Variants in DLG5 observed in about 807,000 individuals in gnomAD.
DLG5 encodes disks large homolog 5.
In DLG5, 48 loss-of-function variants were observed where a neutral mutation model predicts 189.8. That is an observed-to-expected ratio of 0.25 (90% CI 0.20 to 0.32). The LOEUF is 0.32. Ranked by LOEUF, DLG5 falls within the 10% of genes least tolerant of loss-of-function variation. The probability of loss-of-function intolerance (pLI) is 1.00; values close to 1 mark genes in which losing one functional copy is unlikely to be tolerated. For synonymous variants in DLG5, 1,016 were observed against 1,054.1 expected, an observed-to-expected ratio of 0.96 and a Z score of 0.70; for missense variants, 2,160 against 2,544.7, an observed-to-expected ratio of 0.85 and a Z score of 3.25.
At chr10:77,829,895 C>A (rs1450216878) in intron 11 of DLG5, among the ~76,000 whole-genome samples, 1 of 152,206 alleles carries the variant, frequency 6.6e-6, no homozygotes, top group African/African-American at 2.4e-5. Flanking sequence ...ATAGTGTTAG[C>A]TATTTTATCA....
At chr10:77,837,247 T>C (rs978093631) in intron 7 of DLG5, among the ~76,000 whole-genome samples, 1 of 149,420 alleles carries the variant, frequency 6.7e-6, no homozygotes, top group Admixed American at 6.7e-5. Context: ...AAAAAGTGTA[T>C]TAATTTAGTC....
chr10:77,841,318 C>T (rs541923568), intron 7 of DLG5, among the ~76,000 whole-genome samples: 1 of 152,312 alleles, frequency 6.6e-6, no homozygotes, highest in Admixed American at 6.5e-5. Flanking sequence ...ATCCCAGCCC[C>T]CCAACCCTGG....
At chr10:77,829,274 C>T in intron 12 of DLG5, 81 bp downstream of exon 12, 11 of 1,582,050 alleles carry the variant, frequency 7.0e-6, no homozygotes, top group Non-Finnish European at 9.5e-6. Flanking sequence ...ATGAGGTGCT[C>T]TAAGGGGCAC....
intron 1 of DLG5, among the ~76,000 whole-genome samples, chr10:77,915,789 G>A (rs1314523568): frequency 6.6e-6 from 1 of 152,194 alleles, no homozygotes; most frequent in Non-Finnish European, 1.5e-5. Flanking sequence ...AATCCTAAAC[G>A]GGATAAGGAG....
At chr10:77,893,859 G>T (rs1218134397) in intron 1 of DLG5, among the ~76,000 whole-genome samples, 1 of 152,158 alleles carries the variant, frequency 6.6e-6, no homozygotes, top group African/African-American at 2.4e-5. Flanking sequence ...TACTCCCTGG[G>T]CCTGAACCCT....
chr10:77,794,210 C>T (rs1262063018), intron 30 of DLG5, 93 bp from the exon 31 acceptor site: 2 of 1,096,974 alleles, frequency 1.8e-6, no homozygotes, highest in African/African-American at 3.1e-5. Context: ...CCCATCAAGG[C>T]AGGGGTAGGC....
intron 24 of DLG5, among the ~76,000 whole-genome samples, chr10:77,808,525 G>A (rs972819963): frequency 2.6e-5 from 4 of 152,098 alleles, no homozygotes; most frequent in African/African-American, 7.2e-5. Flanking sequence ...TCCCACCTTG[G>A]CCTCCTAAAA....
At chr10:77,810,229 T>C (rs1360776761) in intron 23 of DLG5, among the ~76,000 whole-genome samples, 1 of 152,202 alleles carries the variant, frequency 6.6e-6, no homozygotes, top group Non-Finnish European at 1.5e-5. Flanking sequence ...AAGCTGAAAG[T>C]AAGCTGCTGA....
chr10:77,885,916 G>A (rs1845422993), intron 1 of DLG5, among the ~76,000 whole-genome samples: 1 of 152,134 alleles, frequency 6.6e-6, no homozygotes, highest in South Asian at 2.1e-4. Context: ...GAGGAGGAAG[G>A]GGATGAAGGA....
In DLG5 at chr10:77,869,316, T is replaced by C. The variant is rs754118745; in HGVS notation, c.305-119A>G. The stretch of plus-strand genomic sequence containing the variant: ...AGCTACATGCACCAGGCACTAGAAA[T>C]CCACATCCACGGGCCAAGCAGAGGA... On this transcript the variant is annotated intron_variant, in intron 1 of 31. Coordinates refer to ENST00000372391, the MANE Select transcript of DLG5 (RefSeq NM_004747.4). 6.3e-5 allele frequency: 59 copies of C among 936,954 alleles called. 1 individual carries two copies. The highest frequency in any genetic ancestry group is 3.2e-4 in the Admixed American group (14 of 43,482). The allele number at this position is 936,954 out of a possible 1,614,324, so 58.0% of individuals were successfully genotyped here.
intron 5 of DLG5, among the ~76,000 whole-genome samples, chr10:77,847,218 G>T (rs2154576487): frequency 6.6e-6 from 1 of 152,178 alleles, no homozygotes; most frequent in Admixed American, 6.5e-5. Flanking sequence ...AGGATCCTCG[G>T]GTCAGAAGAC....
chr10:77,830,395 C>T, intron 10 of DLG5, 51 bp from the exon 11 acceptor site: 1 of 1,612,134 alleles, frequency 6.2e-7, no homozygotes, highest in Non-Finnish European at 8.5e-7. Flanking sequence ...GTGACAGAGA[C>T]ATTTGGCTCT....
rs938325053 is a variant in DLG5, at chr10:77,792,647, T to A, written c.5657-104A>T. 6 of 1,056,866 alleles carry A rather than the reference T, an allele frequency of 5.7e-6. No homozygotes were observed. The African/African-American group carries it at 7.8e-5, about 14-fold the overall frequency. 65.5% of individuals were successfully genotyped at this position (1,056,866 alleles called of 1,614,324 possible). On this transcript the variant is annotated intron_variant, in intron 31 of 31. Transcript: ENST00000372391. ...TCTTTCTACTGTGTGGCTGTCTGCT[T>A]TGTGCTCCTTGGCACTCTGCTCCAT...
chr10:77,872,439 C>T (rs1458606077), intron 1 of DLG5, among the ~76,000 whole-genome samples: 1 of 152,202 alleles, frequency 6.6e-6, no homozygotes, highest in African/African-American at 2.4e-5. Flanking sequence ...TGGGGCCTAA[C>T]CAGGGCAGCG....
intron 1 of DLG5, among the ~76,000 whole-genome samples, chr10:77,872,196 T>C (rs1019165044): frequency 2.0e-5 from 3 of 152,232 alleles, no homozygotes; most frequent in African/African-American, 7.2e-5. Flanking sequence ...ATGCCTCTGC[T>C]GGAACGCTCC....
chr10:77,796,154 C>A lies in DLG5; in HGVS notation c.5343G>T (p.Arg1781=). 2 of 1,614,206 alleles carry A rather than the reference C, an allele frequency of 1.2e-6. No individual in the cohort carries two copies. The highest frequency in any genetic ancestry group is 1.7e-6 in the Non-Finnish European group (2 of 1,180,038). The change falls in exon 29 of 32, where the codon CGG becomes CGT. Residue 1781 remains arginine, a synonymous_variant. Coordinates refer to ENST00000372391, the MANE Select transcript of DLG5 (RefSeq NM_004747.4). The surrounding 1 kb of genome is among the most constrained non-coding windows in gnomAD (Gnocchi z 5.2). ...VMKASQQAIE[R]GVKDCLFVDY... ...CGACAAACAGGCAATCTTTGACACC[C>A]CGCTCAATGGCCTGCTGGGAGGCCT...
At chr10:77,934,739 T>C in the DLG5 span, among the ~76,000 whole-genome samples, 1 of 152,196 alleles carries the variant, frequency 6.6e-6, no homozygotes, top group African/African-American at 2.4e-5. Flanking sequence ...TCCCAGCGGC[T>C]ACCACCTTGA....
chr10:77,811,783 G>A, intron 22 of DLG5, 141 bp downstream of exon 22: 3 of 1,258,096 alleles, frequency 2.4e-6, no homozygotes, highest in Non-Finnish European at 3.2e-6. Flanking sequence ...CAAAATCCAG[G>A]GCTGGTCAAC....
At chr10:77,922,673 A>G (rs886899279) in intron 1 of DLG5, among the ~76,000 whole-genome samples, 9 of 152,110 alleles carry the variant, frequency 5.9e-5, no homozygotes, top group African/African-American at 2.2e-4. Context: ...CCTTACAGAC[A>G]GGGCCCTGGA....
Sources: gnomAD v4.1 joint callset for allele counts (sites outside exome capture counted in the v4.1 genomes callset) on GRCh38, gnomAD v4.1.1 for gene constraint, Gnocchi (gnomAD v3.1) non-coding constraint, MANE v1.5 for transcripts, NCBI Gene and HGNC (gene_info 2026-07-23, HGNC 2026-07-21) for gene names.